Variants in PIEZO1 observed in about 807,000 individuals in gnomAD.
PIEZO1 encodes piezo-type mechanosensitive ion channel component 1.
PIEZO1 carries 296 observed loss-of-function variants against 297.2 expected under a neutral mutation model. The ratio of observed to expected loss-of-function variants is 1.00; its 90% CI spans 0.91 to 1.10. PIEZO1 has a LOEUF of 1.10. Among genes scored for constraint, PIEZO1 ranks in the 50% least tolerant of loss-of-function variants. PIEZO1 has a pLI of 0.00. For missense variants in PIEZO1, 5,018 were observed against 3,455.5 expected (o/e 1.45, Z -11.34); for synonymous variants, 2,427 against 1,507.5 (o/e 1.61, Z -14.13).
Position 88,734,751 on chromosome 16 carries a change from G to C in PIEZO1, c.1896C>G (p.Leu632=). The C allele has an allele frequency of 1.9e-6, 3 of 1,550,284 alleles. No individual in the cohort carries two copies. Among genetic ancestry groups the C allele is most frequent in the African/African-American group, 1.4e-5 (1 of 73,182 alleles). The change falls in exon 15 of 51, where the codon CTC becomes CTG. Residue 632 remains leucine, a synonymous_variant. Transcript: ENST00000301015. ...WRKLLKAFWW[L]VVAYTMLVLI... ...GGACCAGCATGGTGTAGGCCACCAC[G>C]AGCCACCAGAAGGCCTTGAGCAGCT... is the stretch of plus-strand genomic sequence containing the variant.
Position 88,722,857 on chromosome 16 carries a change from G to A in PIEZO1, c.4648C>T (p.Leu1550Phe). The A allele has an allele frequency of 6.5e-7, 1 of 1,547,384 alleles. No individual in the cohort carries two copies. Among genetic ancestry groups the A allele is most frequent in the Non-Finnish European group, 8.7e-7 (1 of 1,146,764 alleles). ...SDVLRAERYL[L>F]TQELLQGGEV... ...CTCACCTGCAGGAGCTCCTGTGTGA[G>A]GAGGTAGCGCTCTGCCCGCAGCACG... Residue 1550 changes from leucine (L) to phenylalanine (F), a missense_variant, in exon 34 of 51, where the codon CTC becomes TTC. Physicochemically the swap from Leu to Phe is conservative, Grantham distance 22 (BLOSUM62 0). Transcript: ENST00000301015.
intron 1 of PIEZO1, among the ~76,000 whole-genome samples, chr16:88,765,489 A>G (rs1394717546): frequency 6.6e-6 from 1 of 152,000 alleles, no homozygotes; most frequent in Non-Finnish European, 1.5e-5. Flanking sequence ...CAGTAAGTGA[A>G]ATGGGGACAG....
chr16:88,776,864 G>A (rs1907690365), intron 1 of PIEZO1, among the ~76,000 whole-genome samples: 1 of 152,210 alleles, frequency 6.6e-6, no homozygotes, highest in African/African-American at 2.4e-5. Context: ...TCCCAAGAGG[G>A]GAATGTGTGT....
Position 88,748,085 on chromosome 16 carries a change from G to A in PIEZO1, c.160+1299C>T, listed in dbSNP as rs79274301. ...GCCTGTCTCCACAGTCACGCCCCCT[G>A]GTCCTGCTTGGCCTCCTCTCTGCCC... On this transcript the variant is annotated intron_variant, in intron 2 of 50. Coordinates refer to ENST00000301015, the MANE Select transcript of PIEZO1 (RefSeq NM_001142864.4). 8.5e-3 allele frequency among the ~76,000 whole-genome samples: 1,294 copies of A among 152,304 alleles called. 12 individuals carry two copies. The highest frequency in any genetic ancestry group is 0.013 in the Non-Finnish European group (860 of 68,030).
rs1477448835 is a variant in PIEZO1, at chr16:88,736,193, C to G, written c.1512G>C (p.Leu504=). 6.5e-7 allele frequency: 1 copy of G among 1,549,362 alleles called. No homozygotes were observed. Among genetic ancestry groups the G allele is most frequent in the East Asian group, 2.4e-5 (1 of 40,932 alleles). The change falls in exon 12 of 51, where the codon CTG becomes CTC. Residue 504 remains leucine, a synonymous_variant. Transcript: ENST00000301015. ...AGGGGTAGCGGGTGTGCTCCAGCCC[C>G]AGCTGGCGCAGGCTGACGGGGCCCA... The part of the protein sequence containing the change: ...TTLGPVSLRQ[L]GLEHTRYPCL...
At chr16:88,723,775 C>T in intron 31 of PIEZO1, 96 bp downstream of exon 31, 4 of 691,218 alleles carry the variant, frequency 5.8e-6, no homozygotes, top group Non-Finnish European at 1.0e-5. Context: ...GCTCGGCTCC[C>T]AGGCCCTGGG....
rs981893370 is a variant in PIEZO1, at chr16:88,722,028, A to G, written c.4994T>C (p.Phe1665Ser). The stretch of plus-strand genomic sequence containing the variant: ...CAGCGCCCGGCCCTGCCCCTCCGCA[A>G]ACAGCTCTGCCTCCTCCAGCTCTGG... ...RIPELEEAEL[F>S]AEGQGRALRL... is the part of the protein sequence containing the mutation. The change falls in exon 37 of 51, where the codon TTT (phenylalanine) becomes TCT (serine). Residue 1665 changes from phenylalanine to serine, a missense_variant. Coordinates refer to ENST00000301015, the MANE Select transcript of PIEZO1 (RefSeq NM_001142864.4). 7.1e-6 allele frequency: 11 copies of G among 1,548,152 alleles called. No individual in the cohort carries two copies. Among genetic ancestry groups the G allele is most frequent in the East Asian group, 2.4e-5 (1 of 40,920 alleles).
intron 1 of PIEZO1, among the ~76,000 whole-genome samples, chr16:88,750,285 G>A (rs1040769375): frequency 7.9e-5 from 12 of 152,134 alleles, no homozygotes; most frequent in Admixed American, 2.0e-4. Flanking sequence ...GCAGTGAGCC[G>A]AGATTGAGCC....
rs1026211245 is a variant in PIEZO1 at position 88,785,129 on chromosome 16, C to T, written c.-165G>A. 614 of 352,026 alleles carry T rather than the reference C, an allele frequency of 1.7e-3. 7 individuals carry two copies. Among genetic ancestry groups the T allele is most frequent in the African/African-American group, 0.012 (568 of 46,416 alleles). The allele number at this position is 352,026 out of a possible 1,614,324, so 21.8% of individuals were successfully genotyped here. A position where few individuals can be genotyped will look rare whatever the true frequency, so the allele number is the denominator to read the frequency against. ...GGCCGCCCCGCCGGTGCCGACGTCCCGGGCCCGCGCTCGCTCAGGCGACCG... is the reference window on the plus strand; with the variant it reads ...GGCCGCCCCGCCGGTGCCGACGTCCTGGGCCCGCGCTCGCTCAGGCGACCG... On this transcript the variant is annotated 5_prime_UTR_variant, in exon 1 of 51. Coordinates refer to ENST00000301015, the MANE Select transcript of PIEZO1 (RefSeq NM_001142864.4).
chr16:88,733,872 T>C (rs185970027), intron 17 of PIEZO1, 34 bp downstream of exon 17: 4 of 1,471,616 alleles, frequency 2.7e-6, no homozygotes, highest in South Asian at 2.7e-5. Context: ...CACAGCAGAC[T>C]GGGTGGCAGC....
In PIEZO1 at chr16:88,721,859, C is replaced by A. The variant is rs749800419; in HGVS notation, c.5163G>T (p.Ser1721=). 3.2e-6 allele frequency: 5 copies of A among 1,549,776 alleles called. No individual in the cohort carries two copies. In the South Asian group the frequency reaches 3.6e-5, roughly 11 times the overall value. Residue 1721 remains serine, a synonymous_variant, in exon 37 of 51, where the codon TCG becomes TCT. Transcript: ENST00000301015. ...PVLVFLWAML[S]IPRPSKRFWM... ...AGAAGCGCTTGCTGGGCCTCGGGATCGACAGCATGGCCCACAGGAAGACGA... is the reference window on the plus strand; with the variant it reads ...AGAAGCGCTTGCTGGGCCTCGGGATAGACAGCATGGCCCACAGGAAGACGA...
chr16:88,717,582 A>G (rs199723175), intron 44 of PIEZO1: 8 of 473,824 alleles, frequency 1.7e-5, no homozygotes, highest in African/African-American at 1.6e-4. Context: ...AAACTATAGA[A>G]CTTTTAGAAG....
At chr16:88,719,500 G>T in intron 44 of PIEZO1, 74 bp downstream of exon 44, 2 of 1,408,618 alleles carry the variant, frequency 1.4e-6, no homozygotes, top group Non-Finnish European at 1.9e-6. Flanking sequence ...GGTTCTCGTG[G>T]CAGCAGTGCC....
chr16:88,719,246 G>GGC, intron 44 of PIEZO1: 1 of 304,690 alleles, frequency 3.3e-6, no homozygotes, highest in Non-Finnish European at 6.3e-6. Flanking sequence ...GTGGTCTGAC[G>GGC]CACGAATTCT....
chr16:88,737,814 TCTG>T lies in PIEZO1; in HGVS notation c.1021-3_1021-1del. Reference sequence around the variant, plus strand: ...TCATACCCCTTTGCCGCCTCCTTCCTCTGCAGAGACCAGCGTCTTGAGCCCAAA... The same window carrying T: ...TCATACCCCTTTGCCGCCTCCTTCCTCAGAGACCAGCGTCTTGAGCCCAAA... On this transcript the variant is annotated splice_acceptor_variant and splice_polypyrimidine_tract_variant and intron_variant, in intron 8 of 50. Coordinates refer to ENST00000301015, the MANE Select transcript of PIEZO1 (RefSeq NM_001142864.4). LOFTEE classifies it high-confidence loss of function. 1 of 1,535,790 alleles carries T rather than the reference TCTG, an allele frequency of 6.5e-7. No homozygotes were observed. The highest frequency in any genetic ancestry group is 8.7e-7 in the Non-Finnish European group (1 of 1,146,718).
At chr16:88,772,625 A>C (rs1907475985) in intron 1 of PIEZO1, among the ~76,000 whole-genome samples, 1 of 152,154 alleles carries the variant, frequency 6.6e-6, no homozygotes, top group Non-Finnish European at 1.5e-5. Context: ...CTAAAAATAC[A>C]AAAATGAGCC....
At chr16:88,728,432 A>G (rs1225879469) in intron 22 of PIEZO1, among the ~76,000 whole-genome samples, 1 of 150,732 alleles carries the variant, frequency 6.6e-6, no homozygotes, top group African/African-American at 2.4e-5. Context: ...TGCTGAACTC[A>G]CAGCCCCATC....
At position 88,721,723 on chromosome 16, in the gene PIEZO1, C is replaced by G. The variant is rs942498680; in HGVS notation, c.5218G>C (p.Ala1740Pro). ...TGGAACAGGTACTTGACGACCACCG[C>G]GATCTGTGGGGGAGGGGGCTCAGCA... ...WMTAIVFTEI[A>P]VVVKYLFQFG... The change falls in exon 38 of 51, where the codon GCG (alanine) becomes CCG (proline). Residue 1740 changes from alanine to proline, a missense_variant. Physicochemically the swap from Ala to Pro is conservative, Grantham distance 27 (BLOSUM62 -1). Coordinates refer to ENST00000301015, the MANE Select transcript of PIEZO1 (RefSeq NM_001142864.4). 8 of 1,539,098 alleles carry G rather than the reference C, an allele frequency of 5.2e-6. No homozygotes were observed. The highest frequency in any genetic ancestry group is 1.8e-6 in the Non-Finnish European group (2 of 1,142,266).
At position 88,736,739 on chromosome 16, in the gene PIEZO1, A is replaced by C. The variant is rs985210485; in HGVS notation, c.1196T>G (p.Val399Gly). The C allele has an allele frequency of 4.6e-6, 7 of 1,522,456 alleles. No homozygotes were observed. The highest frequency in any genetic ancestry group is 5.3e-6 in the Non-Finnish European group (6 of 1,138,686). The allele number at this position is 1,522,456 out of a possible 1,614,324, so 94.3% of individuals were successfully genotyped here. A position where few individuals can be genotyped will look rare whatever the true frequency, so the allele number is the denominator to read the frequency against. Residue 399 changes from valine (V) to glycine (G), a missense_variant and splice_region_variant, in exon 11 of 51, where the codon GTG becomes GGG. Physicochemically the swap from Val to Gly is moderately radical, Grantham distance 109 (BLOSUM62 -3). Coordinates refer to ENST00000301015, the MANE Select transcript of PIEZO1 (RefSeq NM_001142864.4). Reference sequence around the variant, plus strand: ...CCTGGGCTCAGCCCGCTTGGGCCGCACTGCAGGTGGGGACAGCGGTCAGCT... The same window carrying C: ...CCTGGGCTCAGCCCGCTTGGGCCGCCCTGCAGGTGGGGACAGCGGTCAGCT... Reference protein sequence around the residue: ...TGQSSVLRRPVRPKRAEPREA... With the variant: ...TGQSSVLRRPGRPKRAEPREA...
Sources: gnomAD v4.1 joint callset for allele counts (sites outside exome capture counted in the v4.1 genomes callset) on GRCh38, gnomAD v4.1.1 for gene constraint, MANE v1.5 for transcripts, NCBI Gene and HGNC (gene_info 2026-07-23, HGNC 2026-07-21) for gene names.